Variants in EXOC6B observed in about 807,000 individuals in gnomAD.
The protein encoded by EXOC6B is exocyst complex component 6B, also known as SEC15 homolog B.
Under a neutral mutation model 113.5 loss-of-function variants are expected in EXOC6B, and 54 were observed. The ratio of observed to expected loss-of-function variants is 0.48; its 90% CI spans 0.38 to 0.60. The LOEUF is 0.60. Ranked by LOEUF, EXOC6B falls within the 20% of genes least tolerant of loss-of-function variation. The probability of loss-of-function intolerance (pLI) is 0.00; values close to 1 mark genes in which losing one functional copy is unlikely to be tolerated. For synonymous variants in EXOC6B, 357 were observed against 339.0 expected, an observed-to-expected ratio of 1.05 and a Z score of -0.58; for missense variants, 797 against 977.5, an observed-to-expected ratio of 0.82 and a Z score of 2.46.
chr2:72,508,960 G>A (rs1474282008), intron 11 of EXOC6B, among the ~76,000 whole-genome samples: 12 of 152,080 alleles, frequency 7.9e-5, no homozygotes, highest in Non-Finnish European at 2.9e-5. Context: ...AATATGTAGG[G>A]AAAGGAGAGA....
chr2:72,215,672 C>T (rs1003324556), intron 20 of EXOC6B, among the ~76,000 whole-genome samples: 2 of 152,034 alleles, frequency 1.3e-5, no homozygotes, highest in Admixed American at 6.6e-5. Context: ...AAAAGCTGAG[C>T]GCGTACCATG....
intron 20 of EXOC6B, among the ~76,000 whole-genome samples, chr2:72,243,469 C>G (rs1173954639): frequency 6.6e-6 from 1 of 152,134 alleles, no homozygotes. Context: ...TGGAAACCAT[C>G]ATTCTGAGCA....
intron 1 of EXOC6B, among the ~76,000 whole-genome samples, chr2:72,796,378 AGGAGGTGGAGGTTGCAG>A (rs1367129447): frequency 6.7e-6 from 1 of 149,724 alleles, no homozygotes; most frequent in Admixed American, 6.7e-5. Context: ...ATTTGAACCC[AGGAGGTGGAGGTTGCAG>A]TGAGCTGAAA....
intron 20 of EXOC6B, among the ~76,000 whole-genome samples, chr2:72,231,085 T>C (rs1257826728): frequency 6.6e-6 from 1 of 152,102 alleles, no homozygotes; most frequent in African/African-American, 2.4e-5. Flanking sequence ...AAAAGTAGAA[T>C]CCAGTTCTGG....
chr2:72,799,871 CCTGGGAAACATGGCAAAACCCCATCT>C (rs1344826834), intron 1 of EXOC6B, among the ~76,000 whole-genome samples: 1 of 151,964 alleles, frequency 6.6e-6, no homozygotes, highest in Non-Finnish European at 1.5e-5. Flanking sequence ...TCAAGACCAG[CCTGGGAAACATGGCAAAACCCCATCT>C]CTACAAAAAA....
At chr2:72,476,101 AC>A (rs1698723560) in intron 17 of EXOC6B, among the ~76,000 whole-genome samples, 1 of 152,128 alleles carries the variant, frequency 6.6e-6, no homozygotes, top group South Asian at 2.1e-4. Flanking sequence ...CCTTCCCTGG[AC>A]CAGTGCCATC....
At chr2:72,492,196 C>T (rs536809440) in intron 16 of EXOC6B, 122 bp downstream of exon 16, 2 of 465,050 alleles carry the variant, frequency 4.3e-6, no homozygotes, top group African/African-American at 3.9e-5. Flanking sequence ...TTTGCACTTT[C>T]ACCATTAGAA....
chr2:72,530,568 T>C (rs141014700), intron 8 of EXOC6B, among the ~76,000 whole-genome samples: 25 of 152,260 alleles, frequency 1.6e-4, no homozygotes, highest in African/African-American at 6.0e-4. Flanking sequence ...TTATGTACAG[T>C]GTTCTATAAA....
intron 8 of EXOC6B, among the ~76,000 whole-genome samples, chr2:72,539,180 G>T (rs549791494): frequency 3.3e-5 from 5 of 152,176 alleles, no homozygotes; most frequent in African/African-American, 1.2e-4. Flanking sequence ...CGCTTGATTT[G>T]CCAGTAGAGC....
At chr2:72,341,698 A>G (rs1393573837) in intron 19 of EXOC6B, among the ~76,000 whole-genome samples, 1 of 152,144 alleles carries the variant, frequency 6.6e-6, no homozygotes, top group Non-Finnish European at 1.5e-5. Flanking sequence ...CAGACAGAAA[A>G]GCAATAAGAA....
intron 18 of EXOC6B, among the ~76,000 whole-genome samples, chr2:72,413,858 C>T (rs1381927843): frequency 2.0e-5 from 3 of 152,128 alleles, no homozygotes; most frequent in African/African-American, 7.2e-5. Flanking sequence ...AACAAGTTGT[C>T]TAGTGATATT....
At chr2:72,605,386 A>G (rs1054040658) in intron 6 of EXOC6B, among the ~76,000 whole-genome samples, 2 of 151,998 alleles carry the variant, frequency 1.3e-5, no homozygotes, top group African/African-American at 2.4e-5. Context: ...ACAGTTTACC[A>G]TGGGGAGGGC....
At chr2:72,254,766 C>T (rs1443356819) in intron 20 of EXOC6B, among the ~76,000 whole-genome samples, 2 of 152,164 alleles carry the variant, frequency 1.3e-5, no homozygotes, top group South Asian at 2.1e-4. Context: ...AATCCTAGCA[C>T]TTTGGCAGAA....
chr2:72,518,167 C>T (rs1701310780), intron 8 of EXOC6B, among the ~76,000 whole-genome samples: 1 of 152,166 alleles, frequency 6.6e-6, no homozygotes, highest in South Asian at 2.1e-4. Context: ...TTCACTTAAG[C>T]TCCAAGCTCT....
chr2:72,468,506 A>G (rs1231961360), intron 17 of EXOC6B, among the ~76,000 whole-genome samples: 1 of 152,106 alleles, frequency 6.6e-6, no homozygotes, highest in Non-Finnish European at 1.5e-5. Context: ...ACTGGTCTGT[A>G]TGTTTTTACG....
chr2:72,559,771 A>G (rs1206893156), intron 7 of EXOC6B, among the ~76,000 whole-genome samples: 1 of 152,204 alleles, frequency 6.6e-6, no homozygotes, highest in East Asian at 1.9e-4. Context: ...GCAAAGAGAA[A>G]CAGGTGGCAC....
chr2:72,436,097 T>A (rs1011438868), intron 18 of EXOC6B, among the ~76,000 whole-genome samples: 1 of 152,264 alleles, frequency 6.6e-6, no homozygotes, highest in African/African-American at 2.4e-5. Context: ...GGTCTGGTAG[T>A]GACAAAATCC....
intron 1 of EXOC6B, among the ~76,000 whole-genome samples, chr2:72,780,460 A>T (rs1438248334): frequency 6.6e-6 from 1 of 152,152 alleles, no homozygotes; most frequent in African/African-American, 2.4e-5. Flanking sequence ...TTATCTTCAG[A>T]ACAGTATAGG....
chr2:72,431,499 A>ATCTATCTATCTATCTATCTC (rs1695526126), intron 18 of EXOC6B, among the ~76,000 whole-genome samples: 10 of 150,326 alleles, frequency 6.7e-5, no homozygotes, highest in African/African-American at 2.5e-4. Context: ...CTATCTATCT[A>ATCTATCTATCTATCTATCTC]TCTATCTATC....
Sources: allele counts gnomAD v4.1 joint callset (sites outside exome capture counted in the v4.1 genomes callset), GRCh38; gene constraint gnomAD v4.1.1; transcripts MANE v1.5; gene names NCBI Gene and HGNC (gene_info 2026-07-23, HGNC 2026-07-21).